SLC8A1: variants seen among roughly 807,000 people sequenced by gnomAD.
SLC8A1 encodes the protein solute carrier family 8 member A1.
A neutral mutation model predicts 68.3 loss-of-function variants in SLC8A1; 18 were observed. That is an observed-to-expected ratio of 0.26 (90% confidence interval 0.18 to 0.39). The LOEUF (loss-of-function observed/expected upper bound fraction) is 0.39. Ranked by LOEUF, SLC8A1 falls within the 10% of genes least tolerant of loss-of-function variation. The pLI is 1.00. For synonymous variants in SLC8A1, 475 were observed against 415.5 expected (o/e 1.14, Z -1.74); for missense variants, 985 against 1,156.7 (o/e 0.85, Z 2.15).
At chr2:40,369,271 T>C (rs915009933) in intron 2 of SLC8A1, among the ~76,000 whole-genome samples, 5 of 152,028 alleles carry the variant, frequency 3.3e-5, no homozygotes, top group Middle Eastern at 3.4e-3. Context: ...TAGGAGAAAA[T>C]TTTTGCAAAC....
chr2:40,303,007 A>C (rs1046988932), intron 2 of SLC8A1, among the ~76,000 whole-genome samples: 4 of 152,218 alleles, frequency 2.6e-5, no homozygotes, highest in Non-Finnish European at 5.9e-5. Context: ...AACATTTAGA[A>C]GAGGGAAAAC....
chr2:40,444,310 G>A (rs1033612958), intron 1 of SLC8A1, among the ~76,000 whole-genome samples: 1 of 152,168 alleles, frequency 6.6e-6, no homozygotes, highest in Non-Finnish European at 1.5e-5. Context: ...CTGCACCCCA[G>A]CCTGGGTGAC....
At position 40,450,983 on chromosome 2, in the gene SLC8A1, A is replaced by G. The variant is rs1055822545; in HGVS notation, c.-25+921T>C. ...CCACGGGGTGGTGGGGGGGATAGAG[A>G]AGAGGCGGGGGTGATGCAGGGGGTG... is the stretch of plus-strand genomic sequence containing the variant. On this transcript the variant is annotated intron_variant, in intron 1 of 7. Transcript: ENST00000406785. Among the ~76,000 whole-genome samples the G allele has an allele frequency of 4.6e-5, 7 of 152,076 alleles. 1 individual carries two copies. In the South Asian group the frequency reaches 1.2e-3, roughly 27 times the overall value.
intron 2 of SLC8A1, among the ~76,000 whole-genome samples, chr2:40,253,132 T>C (rs1317676980): frequency 9.1e-6 from 1 of 109,294 alleles, no homozygotes; most frequent in Non-Finnish European, 1.8e-5. Context: ...TATACACGTA[T>C]ATATGTATAT....
intron 2 of SLC8A1, among the ~76,000 whole-genome samples, chr2:40,228,018 A>G (rs2059198851): frequency 6.6e-6 from 1 of 152,186 alleles, no homozygotes; most frequent in Non-Finnish European, 1.5e-5. Flanking sequence ...TGTAATGAGA[A>G]TATTCATAAC....
At chr2:40,451,000 C>T (rs1341760982) in intron 1 of SLC8A1, among the ~76,000 whole-genome samples, 2 of 151,920 alleles carry the variant, frequency 1.3e-5, no homozygotes, top group Non-Finnish European at 2.9e-5. Context: ...GGGGGTGATG[C>T]AGGGGGTGGA....
At chr2:40,263,981 A>G (rs986818022) in intron 2 of SLC8A1, among the ~76,000 whole-genome samples, 4 of 152,198 alleles carry the variant, frequency 2.6e-5, no homozygotes, top group African/African-American at 9.7e-5. Context: ...AGAATCTACA[A>G]TGAACTCAAA....
intron 6 of SLC8A1, among the ~76,000 whole-genome samples, chr2:40,153,364 G>A (rs558548530): frequency 1.3e-5 from 2 of 152,268 alleles, no homozygotes; most frequent in African/African-American, 4.8e-5. Context: ...ATTGGTGGCT[G>A]CACCAGAATT....
intron 4 of SLC8A1, 88 bp downstream of exon 7, chr2:40,170,193 G>T: frequency 8.8e-7 from 1 of 1,141,690 alleles, no homozygotes; most frequent in Non-Finnish European, 1.3e-6. Context: ...TTACAGAGGA[G>T]AGGGGCTAAA....
chr2:40,328,363 G>A (rs192742465), intron 2 of SLC8A1, among the ~76,000 whole-genome samples: 105 of 152,158 alleles, frequency 6.9e-4, no homozygotes, highest in Non-Finnish European at 5.6e-4. Context: ...ATACTGTGGA[G>A]GTTTATCTCC....
intron 1 of SLC8A1, among the ~76,000 whole-genome samples, chr2:40,460,012 A>G (rs564471466): frequency 3.4e-5 from 5 of 146,638 alleles, no homozygotes; most frequent in Non-Finnish European, 7.6e-5. Flanking sequence ...TGTAAATGTT[A>G]TTTAACGTCA....
intron 2 of SLC8A1, among the ~76,000 whole-genome samples, chr2:40,368,659 T>C (rs951063862): frequency 3.3e-5 from 5 of 152,042 alleles, no homozygotes; most frequent in African/African-American, 1.2e-4. Flanking sequence ...ACTTGTGTCA[T>C]GGGGGTTTGT....
intron 2 of SLC8A1, among the ~76,000 whole-genome samples, chr2:40,218,056 G>A (rs1453522462): frequency 1.3e-5 from 2 of 152,028 alleles, no homozygotes; most frequent in South Asian, 2.1e-4. Flanking sequence ...AAGAGACACA[G>A]CCTTCAGAGT....
At chr2:40,400,608 A>C (rs1450909189) in intron 2 of SLC8A1, among the ~76,000 whole-genome samples, 2 of 152,182 alleles carry the variant, frequency 1.3e-5, no homozygotes, top group South Asian at 4.1e-4. Flanking sequence ...GCAGGCAGAC[A>C]GGGAGGAAAT....
At chr2:40,446,953 CAT>C (rs1701558589) in intron 1 of SLC8A1, among the ~76,000 whole-genome samples, 2 of 152,308 alleles carry the variant, frequency 1.3e-5, no homozygotes, top group South Asian at 4.1e-4. Context: ...CCATAAATAT[CAT>C]AATTTGGTTG....
chr2:40,364,913 T>G (rs959969443), intron 2 of SLC8A1, among the ~76,000 whole-genome samples: 1 of 152,080 alleles, frequency 6.6e-6, no homozygotes, highest in Non-Finnish European at 1.5e-5. Context: ...TTGGAGTGTG[T>G]GCAGGTAACA....
At chr2:40,297,413 T>C (rs1332252012) in intron 2 of SLC8A1, among the ~76,000 whole-genome samples, 1 of 152,168 alleles carries the variant, frequency 6.6e-6, no homozygotes, top group Non-Finnish European at 1.5e-5. Flanking sequence ...ATTTTAAGAT[T>C]CTCTTTCAGG....
chr2:40,200,204 A>AAATATATATATT (rs2053948989), intron 2 of SLC8A1, among the ~76,000 whole-genome samples: 1 of 12,274 alleles, frequency 8.1e-5, no homozygotes, highest in Non-Finnish European at 1.4e-4. Context: ...ATATATATAT[A>AAATATATATATT]TAAATATATA....
At chr2:40,337,460 A>G (rs950150014) in intron 2 of SLC8A1, 1 of 222,184 alleles carries the variant, frequency 4.5e-6, no homozygotes. Flanking sequence ...GAAGTCAGGT[A>G]AAAAAAGGAA....
Sources: gnomAD v4.1 joint callset for allele counts (sites outside exome capture counted in the v4.1 genomes callset) on GRCh38, gnomAD v4.1.1 for gene constraint, MANE v1.5 for transcripts, NCBI Gene and HGNC (gene_info 2026-07-23, HGNC 2026-07-21) for gene names.